The following RANBP2 variants were observed in gnomAD, a reference collection of about 807,000 sequenced individuals.
RANBP2 encodes E3 SUMO-protein ligase RanBP2.
RANBP2 carries 57 observed loss-of-function variants against 303.6 expected under a neutral mutation model. The observed-to-expected ratio is 0.19, with a 90% CI of 0.15 to 0.23. The LOEUF (loss-of-function observed/expected upper bound fraction) is 0.23. RANBP2 is among the 10% of genes least tolerant of loss of function. The probability of loss-of-function intolerance (pLI) is 1.00; values close to 1 mark genes in which losing one functional copy is unlikely to be tolerated. For synonymous variants in RANBP2, 1,167 were observed against 1,301.5 expected, an observed-to-expected ratio of 0.90 and a Z score of 2.23; for missense variants, 3,138 against 3,780.8, an observed-to-expected ratio of 0.83 and a Z score of 4.46.
chr2:109,323,358 T>C, the RANBP2 span, among the ~76,000 whole-genome samples: 1 of 152,216 alleles, frequency 6.6e-6, no homozygotes. Context: ...TGACTCCAGC[T>C]ATAGGATCCA....
chr2:109,415,909 G>A, the RANBP2 span, among the ~76,000 whole-genome samples: 1 of 152,116 alleles, frequency 6.6e-6, no homozygotes, highest in Non-Finnish European at 1.5e-5. Flanking sequence ...GGTCACAAGG[G>A]CAAGGCTGAA....
At chr2:109,629,324 TATATATATATATATATATATATATATA>T in the RANBP2 span, among the ~76,000 whole-genome samples, 24 of 8,326 alleles carry the variant, frequency 2.9e-3, no homozygotes, top group African/African-American at 0.01. Context: ...TATATATATA[TATATATATATATATATATATATATATA>T]TATATTTTTT....
the RANBP2 span, among the ~76,000 whole-genome samples, chr2:109,488,560 C>T: frequency 6.6e-6 from 1 of 152,218 alleles, no homozygotes; most frequent in African/African-American, 2.4e-5. Flanking sequence ...TGCCCCCAGG[C>T]ACCCCACTCA....
chr2:108,820,500 C>T, the RANBP2 span, among the ~76,000 whole-genome samples: 1 of 151,902 alleles, frequency 6.6e-6, no homozygotes, highest in Non-Finnish European at 1.5e-5. Context: ...TCAAGGAACT[C>T]CAGAGAGGAC....
At chr2:108,833,350 G>A in the RANBP2 span, among the ~76,000 whole-genome samples, 1 of 152,166 alleles carries the variant, frequency 6.6e-6, no homozygotes, top group African/African-American at 2.4e-5. Context: ...AGGACATGGG[G>A]CATGTAAACA....
the RANBP2 span, among the ~76,000 whole-genome samples, chr2:109,452,215 C>A: frequency 6.6e-6 from 1 of 152,206 alleles, no homozygotes; most frequent in Non-Finnish European, 1.5e-5. Context: ...CCAGTGTGAC[C>A]TGCACCAGCA....
At chr2:108,740,816 C>T (rs1408653907) in intron 7 of RANBP2, 135 bp downstream of exon 7, 1 of 1,393,416 alleles carries the variant, frequency 7.2e-7, no homozygotes, top group East Asian at 2.3e-5. Flanking sequence ...CAATTTGATA[C>T]AGTGGAAAAT....
At chr2:109,189,704 G>A in the RANBP2 span, among the ~76,000 whole-genome samples, 14 of 152,254 alleles carry the variant, frequency 9.2e-5, no homozygotes, top group African/African-American at 3.4e-4. Context: ...AAAGTTGAAT[G>A]TAAAAGCCCA....
At chr2:109,194,219 G>A in the RANBP2 span, among the ~76,000 whole-genome samples, 1 of 152,222 alleles carries the variant, frequency 6.6e-6, no homozygotes, top group Non-Finnish European at 1.5e-5. Flanking sequence ...TGCAGACCAC[G>A]TTTCAGGAAC....
the RANBP2 span, among the ~76,000 whole-genome samples, chr2:109,215,535 A>G: frequency 2.0e-5 from 3 of 151,958 alleles, no homozygotes; most frequent in South Asian, 6.2e-4. Context: ...TCCTGCTTCT[A>G]TGTGGGTTCC....
chr2:109,078,098 A>ATATATATATATAGAGTG, the RANBP2 span, among the ~76,000 whole-genome samples: 1 of 60,068 alleles, frequency 1.7e-5, no homozygotes, highest in African/African-American at 8.6e-5. Context: ...ATATATATAT[A>ATATATATATATAGAGTG]TATATATATA....
the RANBP2 span, among the ~76,000 whole-genome samples, chr2:109,565,578 G>C: frequency 6.6e-6 from 1 of 152,096 alleles, no homozygotes; most frequent in Non-Finnish European, 1.5e-5. Context: ...GGGGTAATGT[G>C]TGTGTGGCAT....
the RANBP2 span, among the ~76,000 whole-genome samples, chr2:108,858,559 C>T: frequency 6.6e-6 from 1 of 152,122 alleles, no homozygotes; most frequent in Admixed American, 6.6e-5. Flanking sequence ...ACTTGTTGGT[C>T]AGCCAGTACG....
the RANBP2 span, chr2:108,911,047 G>A: frequency 1.2e-6 from 2 of 1,614,198 alleles, no homozygotes; most frequent in Non-Finnish European, 1.7e-6. Flanking sequence ...TCAGGGCAGT[G>A]GCCAGGTGTC....
chr2:109,162,377 A>G, the RANBP2 span, among the ~76,000 whole-genome samples: 1 of 152,054 alleles, frequency 6.6e-6, no homozygotes, highest in African/African-American at 2.4e-5. Flanking sequence ...TTCCCCTCTT[A>G]GGGCTCCTCA....
the RANBP2 span, chr2:108,873,327 T>G: frequency 1.1e-5 from 10 of 888,760 alleles, no homozygotes; most frequent in South Asian, 3.8e-4. Context: ...AAAATTTAAG[T>G]ATGAAAAGAA....
the RANBP2 span, among the ~76,000 whole-genome samples, chr2:108,831,857 C>T: frequency 0.011 from 1,621 of 152,036 alleles, 28 homozygotes; most frequent in African/African-American, 0.037. Flanking sequence ...CTCAGCCTCC[C>T]GAGTAGCTGG....
chr2:109,637,301 G>A, the RANBP2 span, among the ~76,000 whole-genome samples: 3,246 of 80,392 alleles, frequency 0.04, no homozygotes, highest in South Asian at 0.069. Context: ...ATGTACAATC[G>A]GGTTTTATAC....
At chr2:109,170,953 G>A in the RANBP2 span, among the ~76,000 whole-genome samples, 22 of 152,168 alleles carry the variant, frequency 1.4e-4, no homozygotes, top group Admixed American at 1.4e-3. Flanking sequence ...ACCGGGCTGG[G>A]TGCTGAGGCA....
Sources: allele counts gnomAD v4.1 joint callset (sites outside exome capture counted in the v4.1 genomes callset), GRCh38; gene constraint gnomAD v4.1.1; transcripts MANE v1.5; gene names NCBI Gene and HGNC (gene_info 2026-07-23, HGNC 2026-07-21).